The following CHLSN variants were observed in gnomAD, a reference collection of about 807,000 sequenced individuals.
CHLSN encodes the protein protein cholesin.
At chr7:1,093,953 T>G in the CHLSN span, 1 of 324,526 alleles carries the variant, frequency 3.1e-6, no homozygotes, top group Non-Finnish European at 6.1e-6. Flanking sequence ...GGCCAGCCTC[T>G]GAGTCCGGCC....
At chr7:1,067,049 A>C in the CHLSN span, among the ~76,000 whole-genome samples, 3 of 123,412 alleles carry the variant, frequency 2.4e-5, no homozygotes, top group Non-Finnish European at 4.9e-5. Flanking sequence ...GGGGCAGTCT[A>C]TTGGCAGAAG....
the CHLSN span, chr7:1,023,050 C>A: frequency 2.2e-6 from 1 of 450,270 alleles, no homozygotes; most frequent in Non-Finnish European, 4.5e-6. This position sits in a 1 kb window ranked among gnomAD's most constrained non-coding sequence, Gnocchi z 5.0. Context: ...CAGGACGCTT[C>A]CTGCCACCCC....
the CHLSN span, among the ~76,000 whole-genome samples, chr7:1,018,165 C>G: frequency 6.6e-6 from 1 of 152,184 alleles, no homozygotes; most frequent in East Asian, 1.9e-4. Context: ...CAGCTCCCAC[C>G]AGGCAGGAAG....
the CHLSN span, among the ~76,000 whole-genome samples, chr7:1,106,307 C>T: frequency 6.6e-6 from 1 of 152,216 alleles, no homozygotes; most frequent in East Asian, 1.9e-4. Flanking sequence ...TGTGTCTGGG[C>T]ATCAGAGGGC....
chr7:1,034,026 A>T, the CHLSN span, among the ~76,000 whole-genome samples: 54 of 152,256 alleles, frequency 3.5e-4, no homozygotes, highest in African/African-American at 1.3e-3. Context: ...TGCAAGCGGC[A>T]TGACCGTTGA....
At chr7:1,010,905 G>A in the CHLSN span, among the ~76,000 whole-genome samples, 1 of 151,562 alleles carries the variant, frequency 6.6e-6, no homozygotes, top group African/African-American at 2.4e-5. Context: ...AAGGCCAGGA[G>A]CCCAGGGAAA....
chr7:1,020,098 G>A, the CHLSN span, among the ~76,000 whole-genome samples: 3 of 152,182 alleles, frequency 2.0e-5, no homozygotes, highest in Non-Finnish European at 4.4e-5. Flanking sequence ...GAGTGGTGGT[G>A]TCTGCTGCTC....
At chr7:1,111,760 C>T in the CHLSN span, among the ~76,000 whole-genome samples, 6 of 152,098 alleles carry the variant, frequency 3.9e-5, no homozygotes, top group Admixed American at 3.9e-4. Flanking sequence ...CAGGATCACG[C>T]CATTGCACTT....
the CHLSN span, among the ~76,000 whole-genome samples, chr7:1,005,784 G>A: frequency 3.3e-5 from 5 of 152,192 alleles, no homozygotes; most frequent in African/African-American, 9.6e-5. Flanking sequence ...TCGTCCTCCC[G>A]CAGGTGAGTG....
chr7:1,004,134 T>C, the CHLSN span, among the ~76,000 whole-genome samples: 1 of 152,070 alleles, frequency 6.6e-6, no homozygotes, highest in South Asian at 2.1e-4. Context: ...CCAGGGAGGT[T>C]TAATTTTAGT....
chr7:1,126,540 G>C, the CHLSN span, among the ~76,000 whole-genome samples: 1 of 151,874 alleles, frequency 6.6e-6, no homozygotes, highest in Non-Finnish European at 1.5e-5. Flanking sequence ...AACTAGTCGG[G>C]CGTGGTGGTG....
the CHLSN span, among the ~76,000 whole-genome samples, chr7:1,119,875 CAAA>C: frequency 1.7e-5 from 2 of 117,814 alleles, no homozygotes; most frequent in Non-Finnish European, 1.9e-5. Flanking sequence ...GAAACTCCGT[CAAA>C]AAAAAAAAAA....
At chr7:1,116,807 A>C in the CHLSN span, among the ~76,000 whole-genome samples, 30 of 31,516 alleles carry the variant, frequency 9.5e-4, no homozygotes, top group African/African-American at 3.5e-3. Flanking sequence ...ATCACTACAG[A>C]TCTAGGGACC....
chr7:1,057,457 G>C, the CHLSN span: 1 of 689,576 alleles, frequency 1.5e-6, no homozygotes, highest in South Asian at 1.6e-5. Context: ...TTTGGGACGG[G>C]ACGCGAGCTG....
At chr7:1,009,009 A>ATG in the CHLSN span, among the ~76,000 whole-genome samples, 3 of 145,264 alleles carry the variant, frequency 2.1e-5, no homozygotes, top group Admixed American at 2.0e-4. Context: ...ACGCACACAC[A>ATG]CACACATACA....
the CHLSN span, among the ~76,000 whole-genome samples, chr7:1,108,610 T>G: frequency 6.6e-6 from 1 of 152,350 alleles, no homozygotes; most frequent in Middle Eastern, 3.4e-3. Flanking sequence ...CCCTGCCATG[T>G]GTCTCCGCCA....
the CHLSN span, among the ~76,000 whole-genome samples, chr7:1,050,937 C>T: frequency 6.6e-6 from 1 of 152,344 alleles, no homozygotes; most frequent in South Asian, 2.1e-4. Context: ...CTCACCCTAG[C>T]CTGCTGGAGA....
At chr7:1,022,199 G>A in the CHLSN span, among the ~76,000 whole-genome samples, 1 of 152,178 alleles carries the variant, frequency 6.6e-6, no homozygotes, top group Admixed American at 6.5e-5. Context: ...CAGAAGCCTG[G>A]CCCCGTCCCA....
the CHLSN span, among the ~76,000 whole-genome samples, chr7:1,051,147 G>T: frequency 6.6e-6 from 1 of 152,262 alleles, no homozygotes; most frequent in African/African-American, 2.4e-5. Context: ...CAAGCAGCGT[G>T]TGGGCAGAGG....
Sources: gnomAD v4.1 joint callset for allele counts (sites outside exome capture counted in the v4.1 genomes callset) on GRCh38, gnomAD v4.1.1 for gene constraint, Gnocchi (gnomAD v3.1) non-coding constraint, MANE v1.5 for transcripts, NCBI Gene and HGNC (gene_info 2026-07-23, HGNC 2026-07-21) for gene names.